SKAP1: variants seen among roughly 807,000 people sequenced by gnomAD.
SKAP1 encodes the protein src kinase-associated phosphoprotein 1.
Under a neutral mutation model 58.5 loss-of-function variants are expected in SKAP1, and 44 were observed. The ratio of observed to expected loss-of-function variants is 0.75; its 90% CI spans 0.59 to 0.97. The LOEUF is 0.97. SKAP1 is among the 50% of genes least tolerant of loss of function. The pLI is 0.00. For missense variants in SKAP1, 390 were observed against 435.2 expected, an observed-to-expected ratio of 0.90 and a Z score of 0.92; for synonymous variants, 127 against 149.7, an observed-to-expected ratio of 0.85 and a Z score of 1.11.
At chr17:48,200,427 G>T (rs1208805767) in intron 4 of SKAP1, among the ~76,000 whole-genome samples, 2 of 151,292 alleles carry the variant, frequency 1.3e-5, no homozygotes, top group Non-Finnish European at 2.9e-5. Flanking sequence ...CCCAGGCTGG[G>T]GTACAATGGC....
intron 3 of SKAP1, among the ~76,000 whole-genome samples, chr17:48,350,833 T>C (rs1171067874): frequency 6.6e-6 from 1 of 152,214 alleles, no homozygotes; most frequent in East Asian, 1.9e-4. Context: ...AAATTATTGT[T>C]GTTGTTGGAA....
At chr17:48,145,417 A>G (rs1043719362) in intron 11 of SKAP1, among the ~76,000 whole-genome samples, 9 of 27,408 alleles carry the variant, frequency 3.3e-4, no homozygotes, top group African/African-American at 2.7e-3. Context: ...TCCATCAACA[A>G]GGAAAAAAAA....
intron 4 of SKAP1, among the ~76,000 whole-genome samples, chr17:48,278,497 T>C (rs908891597): frequency 8.5e-5 from 13 of 152,214 alleles, no homozygotes; most frequent in African/African-American, 2.9e-4. Context: ...GATGGAATCA[T>C]GTGAAGTCTT....
intron 2 of SKAP1, among the ~76,000 whole-genome samples, chr17:48,372,924 C>T (rs1052460611): frequency 4.6e-5 from 7 of 152,176 alleles, no homozygotes; most frequent in Non-Finnish European, 1.0e-4. Flanking sequence ...ACTGGGATTA[C>T]AGGCATGAGC....
intron 4 of SKAP1, among the ~76,000 whole-genome samples, chr17:48,281,916 T>C (rs17621707): frequency 0.2 from 30,111 of 152,164 alleles, 3,008 homozygotes; most frequent in Admixed American, 0.22. Context: ...CTAATGCATA[T>C]ATTTTTAGTA....
intron 4 of SKAP1, among the ~76,000 whole-genome samples, chr17:48,212,690 G>A (rs1567823127): frequency 6.6e-6 from 1 of 152,186 alleles, no homozygotes; most frequent in Non-Finnish European, 1.5e-5. Flanking sequence ...GCAATGTTTG[G>A]ATTGCTTCAC....
At chr17:48,403,929 A>C (rs960922963) in intron 1 of SKAP1, among the ~76,000 whole-genome samples, 1 of 151,866 alleles carries the variant, frequency 6.6e-6, no homozygotes, top group Non-Finnish European at 1.5e-5. Flanking sequence ...TCTACTAAAA[A>C]TATAAAAAAA....
chr17:48,226,035 G>A (rs1352512974), intron 4 of SKAP1, among the ~76,000 whole-genome samples: 3 of 152,176 alleles, frequency 2.0e-5, no homozygotes, highest in Non-Finnish European at 2.9e-5. Flanking sequence ...CACAGCACAT[G>A]CCAGGCCAGG....
chr17:48,407,242 A>G (rs1179232919), intron 1 of SKAP1, among the ~76,000 whole-genome samples: 2 of 152,252 alleles, frequency 1.3e-5, no homozygotes, highest in African/African-American at 4.8e-5. Flanking sequence ...TTAAATAAGA[A>G]AGAACATAAG....
At chr17:48,419,158 C>A (rs964924376) in intron 1 of SKAP1, among the ~76,000 whole-genome samples, 1 of 151,676 alleles carries the variant, frequency 6.6e-6, no homozygotes, top group Non-Finnish European at 1.5e-5. Flanking sequence ...TAGGCTGTTG[C>A]AAAAGTAATT....
chr17:48,370,245 A>G (rs1033357234), intron 2 of SKAP1, among the ~76,000 whole-genome samples: 2 of 152,172 alleles, frequency 1.3e-5, no homozygotes, highest in African/African-American at 4.8e-5. Context: ...AATGCTCAAC[A>G]TTACTAATCA....
chr17:48,171,575 G>A (rs1216502033), intron 9 of SKAP1, among the ~76,000 whole-genome samples: 1 of 152,106 alleles, frequency 6.6e-6, no homozygotes, highest in Non-Finnish European at 1.5e-5. Flanking sequence ...CTGCCCTTGT[G>A]GAGCTTCCAG....
intron 1 of SKAP1, among the ~76,000 whole-genome samples, chr17:48,405,436 T>TC (rs1385145798): frequency 1.2e-5 from 1 of 85,690 alleles, no homozygotes; most frequent in African/African-American, 4.6e-5. Context: ...TTTCTTTCTT[T>TC]CTTTCTTTCT....
chr17:48,252,873 G>A (rs1468493386), intron 4 of SKAP1, among the ~76,000 whole-genome samples: 1 of 152,114 alleles, frequency 6.6e-6, no homozygotes, highest in Non-Finnish European at 1.5e-5. Flanking sequence ...CTTCCCTGGA[G>A]GTCTCTGCTG....
intron 11 of SKAP1, among the ~76,000 whole-genome samples, chr17:48,151,203 A>G (rs982042141): frequency 1.3e-5 from 2 of 152,206 alleles, no homozygotes; most frequent in Admixed American, 1.3e-4. Context: ...CCGATGGCAT[A>G]GAGTATAATT....
At chr17:48,195,059 AAGGTG>A (rs2064606213) in intron 4 of SKAP1, among the ~76,000 whole-genome samples, 1 of 152,148 alleles carries the variant, frequency 6.6e-6, no homozygotes, top group Non-Finnish European at 1.5e-5. Context: ...CAAATGTACC[AAGGTG>A]AGGAGGGTAT....
intron 4 of SKAP1, among the ~76,000 whole-genome samples, chr17:48,222,319 A>G (rs2143733153): frequency 6.6e-6 from 1 of 151,760 alleles, no homozygotes; most frequent in South Asian, 2.1e-4. Flanking sequence ...TCCATTAATT[A>G]CTCTTCCTTC....
intron 4 of SKAP1, among the ~76,000 whole-genome samples, chr17:48,236,815 G>A (rs2065186074): frequency 6.6e-6 from 1 of 152,196 alleles, no homozygotes; most frequent in Non-Finnish European, 1.5e-5. Context: ...GACATAGGAT[G>A]CTTGTAAGGA....
In SKAP1 at chr17:48,229,503, C is replaced by A. The variant is rs933911662; in HGVS notation, c.281-40003G>T. On this transcript the variant is annotated intron_variant, in intron 4 of 12. Transcript: ENST00000336915. ...GGGCGTTGTGGTGGGTGACTGTAAT[C>A]TCAGCTACTCGGGAGGCTGAGGCAG... is the stretch of plus-strand genomic sequence containing the variant. Among the ~76,000 whole-genome samples the A allele has an allele frequency of 4.9e-4, 74 of 152,142 alleles. 1 individual carries two copies. The highest frequency in any genetic ancestry group is 6.2e-4 in the South Asian group (3 of 4,816).
Sources: allele counts gnomAD v4.1 joint callset (sites outside exome capture counted in the v4.1 genomes callset), GRCh38; gene constraint gnomAD v4.1.1; transcripts MANE v1.5; gene names NCBI Gene and HGNC (gene_info 2026-07-23, HGNC 2026-07-21).